Variants in LEO1 observed in about 807,000 individuals in gnomAD.
The protein encoded by LEO1 is RNA polymerase-associated protein LEO1.
A neutral mutation model predicts 80.4 loss-of-function variants in LEO1; 34 were observed. The ratio of observed to expected loss-of-function variants is 0.42; its 90% CI spans 0.32 to 0.56. The LOEUF is 0.56. LEO1 is among the 20% of genes least tolerant of loss of function. The probability of loss-of-function intolerance (pLI) is 0.10; values close to 1 mark genes in which losing one functional copy is unlikely to be tolerated. For synonymous variants in LEO1, 262 were observed against 274.9 expected (o/e 0.95, Z 0.46); for missense variants, 631 against 814.2 (o/e 0.77, Z 2.74).
chr15:51,960,074 G>A (rs1009557452), intron 4 of LEO1, 30 bp from the exon 5 acceptor site: 1 of 1,584,538 alleles, frequency 6.3e-7, no homozygotes, highest in Non-Finnish European at 8.6e-7. Flanking sequence ...TTTGGAGCTT[G>A]ACAGGACCTT....
intron 11 of LEO1, among the ~76,000 whole-genome samples, chr15:51,939,348 C>T (rs2056828449): frequency 6.6e-6 from 1 of 152,128 alleles, no homozygotes; most frequent in Admixed American, 6.5e-5. Flanking sequence ...GTTCTCATGG[C>T]TGGCCCTCTG....
chr15:51,958,847 A>G, intron 5 of LEO1, 21 bp from the exon 6 acceptor site: 1 of 1,309,058 alleles, frequency 7.6e-7, no homozygotes, highest in Non-Finnish European at 1.1e-6. Context: ...TTTTCCAAAT[A>G]AACTATTAAT....
At chr15:51,970,553 A>G (rs938750587) in intron 1 of LEO1, among the ~76,000 whole-genome samples, 1 of 152,258 alleles carries the variant, frequency 6.6e-6, no homozygotes. Flanking sequence ...ATGTGCTACA[A>G]TGCCTTGAAG....
In LEO1 at chr15:51,947,213, G is replaced by C. The variant is rs1251347939; in HGVS notation, c.1896+79C>G. 8 of 902,580 alleles carry C rather than the reference G, an allele frequency of 8.9e-6. No homozygotes were observed. The East Asian group carries it at 1.9e-4, about 22-fold the overall frequency. 55.9% of individuals were successfully genotyped at this position (902,580 alleles called of 1,614,324 possible). On this transcript the variant is annotated intron_variant, in intron 11 of 11. Transcript: ENST00000299601. ...GTAGACAACTAATTTGTGCCTGCCT[G>C]ATCTGTGAGCTCTTCATTCAAAGCA...
At chr15:51,964,603 C>T (rs1595945864) in intron 2 of LEO1, among the ~76,000 whole-genome samples, 1 of 151,848 alleles carries the variant, frequency 6.6e-6, no homozygotes, top group East Asian at 1.9e-4. Flanking sequence ...TACTGCAGTC[C>T]CATAGTCTAC....
intron 2 of LEO1, among the ~76,000 whole-genome samples, chr15:51,964,078 T>A (rs1595945381): frequency 6.6e-6 from 1 of 150,644 alleles, no homozygotes; most frequent in Non-Finnish European, 1.5e-5. Flanking sequence ...TGGTGGCGGG[T>A]GCCTGTAGTC....
chr15:51,941,416 A>G (rs2056851370), intron 11 of LEO1, among the ~76,000 whole-genome samples: 1 of 152,334 alleles, frequency 6.6e-6, no homozygotes, highest in Admixed American at 6.5e-5. Context: ...GGGGAAATGG[A>G]GTCTCAAGAG....
chr15:51,958,562 A>G (rs532299501), intron 6 of LEO1, among the ~76,000 whole-genome samples, 180 bp downstream of exon 6: 5 of 152,342 alleles, frequency 3.3e-5, no homozygotes, highest in African/African-American at 1.2e-4. Flanking sequence ...AAAGAGAAGC[A>G]TTAATGGGAA....
In LEO1 at chr15:51,958,791, T is replaced by C; in HGVS notation, c.1196A>G (p.Glu399Gly). The change falls in exon 6 of 12, where the codon GAA becomes GGA. Residue 399 changes from glutamate (E) to glycine (G), a missense_variant. Glu to Gly is a moderately conservative substitution (Grantham distance 98). Transcript: ENST00000299601. ...TTCTTCATCCAGCATTTCTTCATCTTCAAATTCATCTTCATAATACTGAGG... is the reference window on the plus strand; with the variant it reads ...TTCTTCATCCAGCATTTCTTCATCTCCAAATTCATCTTCATAATACTGAGG... ...FDPQYYEDEF[E>G]DEEMLDEEGR... 6.3e-7 allele frequency: 1 copy of C among 1,596,624 alleles called. No individual in the cohort carries two copies. Among genetic ancestry groups the C allele is most frequent in the Non-Finnish European group, 8.6e-7 (1 of 1,169,316 alleles).
intron 10 of LEO1, among the ~76,000 whole-genome samples, chr15:51,949,111 G>A (rs188036217): frequency 2.5e-4 from 38 of 152,178 alleles, no homozygotes; most frequent in Admixed American, 2.5e-3. Flanking sequence ...TGGAAAAAAC[G>A]TTAACCATCA....
intron 1 of LEO1, among the ~76,000 whole-genome samples, chr15:51,967,836 A>C (rs118176718): frequency 0.012 from 1,760 of 152,342 alleles, 19 homozygotes; most frequent in Non-Finnish European, 0.015. Flanking sequence ...AGACAAAAGA[A>C]AACATAAATT....
intron 11 of LEO1, among the ~76,000 whole-genome samples, chr15:51,944,808 T>C (rs1038723739): frequency 3.3e-5 from 5 of 152,188 alleles, no homozygotes; most frequent in African/African-American, 1.2e-4. Flanking sequence ...ACACATGATA[T>C]GATATAAAAT....
At position 51,952,164 on chromosome 15, in the gene LEO1, G is replaced by A. The variant is rs1595936538; in HGVS notation, c.1476-185C>T. ...AGTTTTCTTCATTCTGTGGCTCACTGAGACATTCTTATTCCACAAATGAAA... is the reference window on the plus strand; with the variant it reads ...AGTTTTCTTCATTCTGTGGCTCACTAAGACATTCTTATTCCACAAATGAAA... On this transcript the variant is annotated intron_variant, in intron 8 of 11. Transcript: ENST00000299601. 3.1e-5 allele frequency: 15 copies of A among 482,188 alleles called. 1 individual carries two copies. In the East Asian group the frequency reaches 4.9e-4, roughly 16 times the overall value. 29.9% of individuals were successfully genotyped at this position (482,188 alleles called of 1,614,324 possible).
At chr15:51,951,254 A>G (rs2056946422) in intron 9 of LEO1, among the ~76,000 whole-genome samples, 1 of 152,380 alleles carries the variant, frequency 6.6e-6, no homozygotes, top group East Asian at 1.9e-4. Flanking sequence ...GTACTACTGC[A>G]TATGGCTTCT....
rs746497482 is a variant in LEO1 at position 51,947,301 on chromosome 15, G to C, written c.1887C>G (p.Thr629=). The change falls in exon 11 of 12, where the codon ACC becomes ACG. Residue 629 remains threonine (T), a synonymous_variant. Coordinates refer to ENST00000299601, the MANE Select transcript of LEO1 (RefSeq NM_138792.4). The part of the protein sequence containing the change: ...AQRLLKAKKL[T]SDEEGEPSGK... The stretch of plus-strand genomic sequence containing the variant: ...ATAAATTTGGTCTTACCTCATCACT[G>C]GTAAGTTTCTTTGCTTTGAGTAATC... 1 of 1,609,832 alleles carries C rather than the reference G, an allele frequency of 6.2e-7. No homozygotes were observed. The highest frequency in any genetic ancestry group is 8.5e-7 in the Non-Finnish European group (1 of 1,176,202).
At chr15:51,950,949 C>T (rs1049098972) in intron 9 of LEO1, among the ~76,000 whole-genome samples, 2 of 152,324 alleles carry the variant, frequency 1.3e-5, no homozygotes, top group Non-Finnish European at 1.5e-5. Flanking sequence ...GGAAATGGAA[C>T]AAGCCCAGCT....
chr15:51,949,150 A>G (rs1451303119), intron 10 of LEO1, among the ~76,000 whole-genome samples: 1 of 152,226 alleles, frequency 6.6e-6, no homozygotes, highest in African/African-American at 2.4e-5. Flanking sequence ...GAAAGGAGGA[A>G]ATATGCAAAA....
chr15:51,955,991 G>T (rs1289582305), intron 6 of LEO1, among the ~76,000 whole-genome samples: 1 of 152,158 alleles, frequency 6.6e-6, no homozygotes, highest in Non-Finnish European at 1.5e-5. Flanking sequence ...TGTTGAAGTG[G>T]GTCATGGGCA....
At chr15:51,945,541 A>G (rs1202108213) in intron 11 of LEO1, among the ~76,000 whole-genome samples, 1 of 152,210 alleles carries the variant, frequency 6.6e-6, no homozygotes, top group Non-Finnish European at 1.5e-5. Context: ...TTCTAAAAGT[A>G]TAACATCCCA....
Sources: gnomAD v4.1 joint callset for allele counts (sites outside exome capture counted in the v4.1 genomes callset) on GRCh38, gnomAD v4.1.1 for gene constraint, MANE v1.5 for transcripts, NCBI Gene and HGNC (gene_info 2026-07-23, HGNC 2026-07-21) for gene names.